CCDC62: variants seen among roughly 807,000 people sequenced by gnomAD.
CCDC62 encodes coiled-coil domain-containing protein 62.
Under a neutral mutation model 80.8 loss-of-function variants are expected in CCDC62, and 72 were observed. The ratio of observed to expected loss-of-function variants is 0.89; its 90% CI spans 0.74 to 1.08. The LOEUF (loss-of-function observed/expected upper bound fraction) is 1.08, where lower values mean the gene tolerates loss of function less well. Among genes scored for constraint, CCDC62 ranks in the 50% least tolerant of loss-of-function variants. CCDC62 has a pLI of 0.00. For synonymous variants in CCDC62, 286 were observed against 296.5 expected, an observed-to-expected ratio of 0.96 and a Z score of 0.36; for missense variants, 704 against 809.4, an observed-to-expected ratio of 0.87 and a Z score of 1.58.
At chr12:122,801,960 T>C in intron 9 of CCDC62, 108 bp downstream of exon 9, 4 of 1,216,258 alleles carry the variant, frequency 3.3e-6, no homozygotes, top group African/African-American at 1.5e-5. Flanking sequence ...CCAAAAGGCA[T>C]GTTTGCTAAC....
At chr12:122,793,525 C>T (rs560020336) in intron 6 of CCDC62, among the ~76,000 whole-genome samples, 3 of 35,352 alleles carry the variant, frequency 8.5e-5, no homozygotes, top group East Asian at 1.9e-3. Context: ...TGCAGTTTGT[C>T]TGTAAATTAA....
chr12:122,777,442 T>G, intron 1 of CCDC62, 49 bp from the exon 2 acceptor site: 1 of 1,504,120 alleles, frequency 6.6e-7, no homozygotes, highest in Non-Finnish European at 9.0e-7. Context: ...TTGGCTGATT[T>G]GTTATTGATT....
chr12:122,822,889 T>TA (rs1460187311), intron 11 of CCDC62, among the ~76,000 whole-genome samples: 1 of 152,242 alleles, frequency 6.6e-6, no homozygotes, highest in Non-Finnish European at 1.5e-5. Context: ...GACAGGCACT[T>TA]ATGTTGCTTC....
chr12:122,794,483 A>T (rs79537935), intron 6 of CCDC62, among the ~76,000 whole-genome samples: 2,737 of 152,260 alleles, frequency 0.018, 83 homozygotes, highest in African/African-American at 0.063. Context: ...GATTACAGGC[A>T]TGAGCCACCA....
rs751983214 is a variant in CCDC62 at position 122,796,874 on chromosome 12, C to CTTTT, written c.773-431_773-430insTTTT. ...TAATCCCTGAATCTACAAATCACTT[C>CTTTT]TTCTTTTTTTTTTTTTTTTTTTAAG... On this transcript the variant is annotated intron_variant, in intron 6 of 12. Transcript: ENST00000253079. Among the ~76,000 whole-genome samples, 189 of 145,590 alleles carry CTTTT rather than the reference C, an allele frequency of 1.3e-3. 2 individuals are homozygous for CTTTT. The highest frequency in any genetic ancestry group is 4.5e-3 in the African/African-American group (174 of 38,960).
chr12:122,780,135 C>T (rs1593778487), intron 2 of CCDC62, among the ~76,000 whole-genome samples: 1 of 149,674 alleles, frequency 6.7e-6, no homozygotes, highest in African/African-American at 2.5e-5. Flanking sequence ...TATGGTGAAA[C>T]CCCATCTCTA....
chr12:122,785,968 A>G (rs891589500), intron 4 of CCDC62, 148 bp downstream of exon 4: 9 of 615,424 alleles, frequency 1.5e-5, no homozygotes, highest in Non-Finnish European at 2.3e-5. Flanking sequence ...GAAATGAGGG[A>G]AACAAGTTTA....
At chr12:122,824,071 T>A (rs1253281403) in intron 12 of CCDC62, among the ~76,000 whole-genome samples, 1 of 152,024 alleles carries the variant, frequency 6.6e-6, no homozygotes, top group African/African-American at 2.4e-5. Context: ...AATCAGAATC[T>A]AATATGAAAA....
intron 11 of CCDC62, among the ~76,000 whole-genome samples, chr12:122,818,684 A>G (rs907704724): frequency 2.0e-5 from 3 of 152,098 alleles, no homozygotes; most frequent in Non-Finnish European, 4.4e-5. Context: ...GCTCTTTGGG[A>G]GGACCACACA....
At chr12:122,806,398 T>C (rs2031604523) in intron 10 of CCDC62, 103 bp downstream of exon 10, 2 of 797,632 alleles carry the variant, frequency 2.5e-6, no homozygotes. Context: ...TTTTGGCTAT[T>C]CCTCCGTTTT....
intron 10 of CCDC62, among the ~76,000 whole-genome samples, chr12:122,812,781 A>AGAGAGAG (rs1566086652): frequency 4.7e-4 from 39 of 83,086 alleles, no homozygotes; most frequent in African/African-American, 2.7e-3. Context: ...GAGAGAGAGA[A>AGAGAGAG]AGAAAGAAAG....
chr12:122,818,792 G>A (rs1403257232), intron 11 of CCDC62, among the ~76,000 whole-genome samples: 2 of 152,118 alleles, frequency 1.3e-5, no homozygotes, highest in Non-Finnish European at 2.9e-5. Flanking sequence ...AGTGGCTCAC[G>A]CCTATAGTTC....
In CCDC62 at chr12:122,774,626, T is replaced by C. The variant is rs1407607099; in HGVS notation, c.-45T>C. 2 of 1,235,300 alleles carry C rather than the reference T, an allele frequency of 1.6e-6. No individual in the cohort carries two copies. The highest frequency in any genetic ancestry group is 4.3e-5 in the Admixed American group (1 of 23,440). The allele number at this position is 1,235,300 out of a possible 1,614,324, so 76.5% of individuals were successfully genotyped here. ...AGGCGCGCCGATGGCGTTTCTGAGG[T>C]GACGCCGCCCACACCGGGCTTCTCC... On this transcript the variant is annotated 5_prime_UTR_variant, in exon 1 of 13. It removes the in-frame stop codon of an upstream open reading frame in the 5' UTR. Coordinates refer to ENST00000253079, the MANE Select transcript of CCDC62 (RefSeq NM_201435.5).
At chr12:122,802,843 A>G (rs1233518016) in intron 9 of CCDC62, among the ~76,000 whole-genome samples, 3 of 152,022 alleles carry the variant, frequency 2.0e-5, no homozygotes, top group South Asian at 2.1e-4. Context: ...CCTGGTTAAC[A>G]TAGTGAGGCT....
chr12:122,820,061 C>CAAAAAAAAAAAAAAAAAAA (rs34620795), intron 11 of CCDC62, among the ~76,000 whole-genome samples: 1 of 58,118 alleles, frequency 1.7e-5, no homozygotes, highest in Non-Finnish European at 2.8e-5. Flanking sequence ...GATCCTGTCT[C>CAAAAAAAAAAAAAAAAAAA]AAAAAAAAAA....
At chr12:122,775,311 A>C (rs1008355867) in intron 1 of CCDC62, among the ~76,000 whole-genome samples, 2 of 152,090 alleles carry the variant, frequency 1.3e-5, no homozygotes, top group African/African-American at 4.8e-5. Context: ...CGAGTAGAGG[A>C]AGGAGCTCTC....
At position 122,801,533 on chromosome 12, in the gene CCDC62, G is replaced by C. The variant is rs772372235; in HGVS notation, c.1387G>C (p.Asp463His). ...TTTATCTGATGAGAAGCAGTGGCAT[G>C]ATGTCAGTGTTTACCTGGGCCTGAC... ...PTLSDEKQWH[D>H]VSVYLGLTNC... The change falls in exon 9 of 13, where the codon GAT becomes CAT. Residue 463 changes from aspartate (D) to histidine (H), a missense_variant. Transcript: ENST00000253079. 1 of 1,614,116 alleles carries C rather than the reference G, an allele frequency of 6.2e-7. No homozygotes were observed. The highest frequency in any genetic ancestry group is 1.1e-5 in the South Asian group (1 of 91,080).
rs145950256 is a variant in CCDC62, at chr12:122,801,622, G to A, written c.1476G>A (p.Arg492=). 1.2e-5 allele frequency: 19 copies of A among 1,614,044 alleles called. No individual in the cohort carries two copies. In the African/African-American group the frequency reaches 2.4e-4, roughly 20 times the overall value. ...TAGAATGTCAAGATCAGATGGAAAG[G>A]TCCGAAATCTCATGCTGCCAGAAAA... is the stretch of plus-strand genomic sequence containing the variant. The part of the protein sequence containing the change: ...LDVECQDQME[R]SEISCCQKNE... The change falls in exon 9 of 13, where the codon AGG becomes AGA. Residue 492 remains arginine (R), a synonymous_variant. Transcript: ENST00000253079.
chr12:122,804,325 A>G (rs2031468404), intron 9 of CCDC62, among the ~76,000 whole-genome samples: 1 of 152,152 alleles, frequency 6.6e-6, no homozygotes, highest in South Asian at 2.1e-4. Context: ...TATCTCTACT[A>G]AAAATACAAA....
Sources: allele counts gnomAD v4.1 joint callset (sites outside exome capture counted in the v4.1 genomes callset), GRCh38; gene constraint gnomAD v4.1.1; transcripts MANE v1.5; gene names NCBI Gene and HGNC (gene_info 2026-07-23, HGNC 2026-07-21).